Variants in PGBD5 observed in about 807,000 individuals in gnomAD.
PGBD5 encodes piggyBac transposable element-derived protein 5.
In PGBD5, 14 loss-of-function variants were observed where a neutral mutation model predicts 47.9. The ratio of observed to expected loss-of-function variants is 0.29; its 90% confidence interval spans 0.19 to 0.46. The LOEUF (loss-of-function observed/expected upper bound fraction) is 0.46. Among genes scored for constraint, PGBD5 ranks in the 20% least tolerant of loss-of-function variants. The pLI is 1.00. For missense variants in PGBD5, 635 were observed against 716.0 expected (o/e 0.89, Z 1.29); for synonymous variants, 316 against 306.3 (o/e 1.03, Z -0.33).
At chr1:230,412,039 A>G (rs1657420169) in intron 1 of PGBD5, among the ~76,000 whole-genome samples, 1 of 152,222 alleles carries the variant, frequency 6.6e-6, no homozygotes. Context: ...TGTATGCAAA[A>G]ATGTGTTCAT....
At chr1:230,381,548 C>T (rs1437111767) in intron 1 of PGBD5, among the ~76,000 whole-genome samples, 3 of 152,262 alleles carry the variant, frequency 2.0e-5, no homozygotes, top group Non-Finnish European at 4.4e-5. Context: ...TACCCCATCC[C>T]TGCCTGAGCA....
chr1:230,352,002 C>T (rs1008246982), intron 2 of PGBD5, among the ~76,000 whole-genome samples: 1 of 152,158 alleles, frequency 6.6e-6, no homozygotes, highest in Non-Finnish European at 1.5e-5. Flanking sequence ...CCTCCCTGAT[C>T]CTATCTCAAG....
intron 4 of PGBD5, among the ~76,000 whole-genome samples, chr1:230,334,580 T>C (rs1667272611): frequency 6.7e-6 from 1 of 148,938 alleles, no homozygotes; most frequent in South Asian, 2.2e-4. Flanking sequence ...CTCCTCAACC[T>C]TGGCTGCCTG....
intron 1 of PGBD5, among the ~76,000 whole-genome samples, chr1:230,422,916 G>A (rs183981575): frequency 6.6e-6 from 1 of 151,928 alleles, no homozygotes; most frequent in Non-Finnish European, 1.5e-5. Flanking sequence ...GGGGGTGGGG[G>A]GATGTGGCAA....
intron 3 of PGBD5, among the ~76,000 whole-genome samples, chr1:230,348,894 T>C (rs147037841): frequency 3.3e-5 from 5 of 152,348 alleles, no homozygotes; most frequent in Non-Finnish European, 7.3e-5. Context: ...TGAGCACATT[T>C]TGAGGGCTGC....
At chr1:230,356,287 A>T (rs1667643769) in intron 2 of PGBD5, among the ~76,000 whole-genome samples, 1 of 152,204 alleles carries the variant, frequency 6.6e-6, no homozygotes, top group Non-Finnish European at 1.5e-5. Context: ...GTGCAAGTGG[A>T]TACCAGTGGA....
chr1:230,388,836 AGCAGCAAAG>A (rs1166237049), intron 1 of PGBD5, among the ~76,000 whole-genome samples: 1 of 152,202 alleles, frequency 6.6e-6, no homozygotes, highest in East Asian at 1.9e-4. Context: ...TGGAAAGAAA[AGCAGCAAAG>A]GAGCTGCTAG....
intron 1 of PGBD5, among the ~76,000 whole-genome samples, chr1:230,389,428 C>T (rs997655608): frequency 6.6e-6 from 1 of 152,230 alleles, no homozygotes; most frequent in East Asian, 1.9e-4. Context: ...CCGCCTCAGC[C>T]TCCCAAAGTG....
At position 230,364,818 on chromosome 1, in the gene PGBD5, C is replaced by T. The variant is rs552177349; in HGVS notation, c.332-7497G>A. 1.5e-3 allele frequency among the ~76,000 whole-genome samples: 221 copies of T among 149,256 alleles called. 2 individuals are homozygous for T. The highest frequency in any genetic ancestry group is 2.2e-3 in the Non-Finnish European group (148 of 67,426). ...GATGGATCACCTGAGGTCAGGAGTT[C>T]GAGACCAGCCTGGCCAACATGGTGA... On this transcript the variant is annotated intron_variant, in intron 1 of 6. Transcript: ENST00000391860.
At chr1:230,402,004 C>G (rs1657149968) in intron 1 of PGBD5, among the ~76,000 whole-genome samples, 1 of 152,178 alleles carries the variant, frequency 6.6e-6, no homozygotes, top group African/African-American at 2.4e-5. Flanking sequence ...CAGCAGCAGC[C>G]CCAGATACCA....
Position 230,323,136 on chromosome 1 carries a change from C to T in PGBD5, c.*289G>A. The stretch of plus-strand genomic sequence containing the variant: ...ACAGTCACCAGTCCACGCTGCCTCG[C>T]AAGCTCCACGGATGTCATGAGAGAA... On this transcript the variant is annotated 3_prime_UTR_variant, in exon 7 of 7. Transcript: ENST00000391860. The surrounding 1 kb of genome is among the most constrained non-coding windows in gnomAD (Gnocchi z 4.1). 1 of 394,792 alleles carries T rather than the reference C, an allele frequency of 2.5e-6. No individual in the cohort carries two copies. The highest frequency in any genetic ancestry group is 4.6e-6 in the Non-Finnish European group (1 of 218,170). The allele number at this position is 394,792 out of a possible 1,614,324, so 24.5% of individuals were successfully genotyped here.
At chr1:230,423,668 T>C (rs1226311203) in intron 1 of PGBD5, among the ~76,000 whole-genome samples, 1 of 152,058 alleles carries the variant, frequency 6.6e-6, no homozygotes, top group Admixed American at 6.6e-5. Flanking sequence ...ACTCCAAATT[T>C]CCCTCAGGGA....
At chr1:230,422,042 C>A (rs752416767) in intron 1 of PGBD5, among the ~76,000 whole-genome samples, 1 of 152,072 alleles carries the variant, frequency 6.6e-6, no homozygotes, top group African/African-American at 2.4e-5. Flanking sequence ...CAAGGTCATA[C>A]CTCCCCACTG....
rs1220592567 is a variant in PGBD5 at position 230,319,072 on chromosome 1, C to A, written c.*4353G>T. ...TAAGTCAGGGATAAAATCCCCCGTC[C>A]TCGTGATGAATCAGGACAGCCAGTG... On this transcript the variant is annotated 3_prime_UTR_variant, in exon 7 of 7. Transcript: ENST00000391860. 6.6e-6 allele frequency: 1 copy of A among 152,288 alleles called. No individual in the cohort carries two copies. Among genetic ancestry groups the A allele is most frequent in the African/African-American group, 2.4e-5 (1 of 41,448 alleles). The allele number at this position is 152,288 out of a possible 1,614,324, so 9.4% of individuals were successfully genotyped here. A position where few individuals can be genotyped will look rare whatever the true frequency, so the allele number is the denominator to read the frequency against.
chr1:230,322,750 T>C lies in PGBD5; in HGVS notation c.*675A>G, dbSNP rs1009456463. The C allele has an allele frequency of 1.3e-5, 2 of 152,732 alleles. No homozygotes were observed. Among genetic ancestry groups the C allele is most frequent in the African/African-American group, 4.8e-5 (2 of 41,436 alleles). The allele number at this position is 152,732 out of a possible 1,614,324, so 9.5% of individuals were successfully genotyped here. On this transcript the variant is annotated 3_prime_UTR_variant, in exon 7 of 7. Coordinates refer to ENST00000391860, the MANE Select transcript of PGBD5 (RefSeq NM_001258311.2). This position sits in a 1 kb window ranked among gnomAD's most constrained non-coding sequence, Gnocchi z 5.9. Reference sequence around the variant, plus strand: ...TGAAGATATATTTAAAAATAAAAAATAGCATCATCCTTCACTCCAAGTTTT... The same window carrying C: ...TGAAGATATATTTAAAAATAAAAAACAGCATCATCCTTCACTCCAAGTTTT...
chr1:230,362,150 C>T (rs561028057), intron 1 of PGBD5: 4 of 1,205,942 alleles, frequency 3.3e-6, no homozygotes, highest in Non-Finnish European at 4.3e-6. Flanking sequence ...ACCACGTGAC[C>T]ATGCTCTTGC....
rs186474097 is a variant in PGBD5 at position 230,389,457 on chromosome 1, G to C, written c.332-32136C>G. On this transcript the variant is annotated intron_variant, in intron 1 of 6. Coordinates refer to ENST00000391860, the MANE Select transcript of PGBD5 (RefSeq NM_001258311.2). ...CAAAGTGCTGGGATTACAGGCTTGA[G>C]CCACCACGCCCAGCTGACATTTTTC... Among the ~76,000 whole-genome samples the C allele has an allele frequency of 7.4e-4, 112 of 152,362 alleles. 2 individuals are homozygous for C. In the East Asian group the frequency reaches 0.02, roughly 27 times the overall value.
At chr1:230,364,877 A>T (rs560880016) in intron 1 of PGBD5, among the ~76,000 whole-genome samples, 1 of 152,148 alleles carries the variant, frequency 6.6e-6, no homozygotes, top group Admixed American at 6.5e-5. Flanking sequence ...AAAATTAGCC[A>T]GACGCAGTGG....
chr1:230,334,459 G>A (rs1353355038), intron 4 of PGBD5, among the ~76,000 whole-genome samples: 1 of 152,252 alleles, frequency 6.6e-6, no homozygotes, highest in Non-Finnish European at 1.5e-5. Flanking sequence ...AAGTTTCCAT[G>A]AATCTATCCC....
Sources: allele counts gnomAD v4.1 joint callset (sites outside exome capture counted in the v4.1 genomes callset), GRCh38; gene constraint gnomAD v4.1.1; non-coding constraint Gnocchi (gnomAD v3.1); transcripts MANE v1.5; gene names NCBI Gene and HGNC (gene_info 2026-07-23, HGNC 2026-07-21).